DGKB: variants seen among roughly 807,000 people sequenced by gnomAD.
The protein encoded by DGKB is diacylglycerol kinase beta.
In DGKB, 67 loss-of-function variants were observed where a neutral mutation model predicts 114.3. The observed-to-expected ratio is 0.59, with a 90% CI of 0.48 to 0.72. DGKB has a LOEUF of 0.72. Ranked by LOEUF, DGKB falls within the 30% of genes least tolerant of loss-of-function variation. The pLI is 0.00. For missense variants in DGKB, 907 were observed against 975.2 expected (o/e 0.93, Z 0.93); for synonymous variants, 398 against 323.1 (o/e 1.23, Z -2.49).
At chr7:14,483,038 G>T in intron 20 of DGKB, among the ~76,000 whole-genome samples, 1 of 151,304 alleles carries the variant, frequency 6.6e-6, no homozygotes, top group African/African-American at 2.4e-5. Flanking sequence ...TTAACGTTTT[G>T]GTTTTCTTAA....
At chr7:14,391,469 C>T (rs1054964918) in intron 21 of DGKB, among the ~76,000 whole-genome samples, 1 of 151,284 alleles carries the variant, frequency 6.6e-6, no homozygotes, top group African/African-American at 2.4e-5. Flanking sequence ...ATCGCTTGAG[C>T]CCAGGCAAGA....
chr7:14,612,217 T>A (rs920172995), intron 16 of DGKB, among the ~76,000 whole-genome samples: 1 of 150,856 alleles, frequency 6.6e-6, no homozygotes, highest in African/African-American at 2.4e-5. Context: ...CACGGTCACC[T>A]GGGCTGGAGT....
chr7:14,555,526 C>T (rs990271616), intron 20 of DGKB, among the ~76,000 whole-genome samples: 2 of 152,142 alleles, frequency 1.3e-5, no homozygotes, highest in African/African-American at 2.4e-5. Context: ...CAGACTTGAT[C>T]TCTTAATAAT....
intron 23 of DGKB, among the ~76,000 whole-genome samples, chr7:14,302,728 A>C (rs939019961): frequency 2.0e-5 from 3 of 152,108 alleles, no homozygotes; most frequent in African/African-American, 7.2e-5. Flanking sequence ...GTCATTCTAA[A>C]TTGACAACTG....
chr7:14,738,437 C>T (rs1832068508), intron 4 of DGKB, among the ~76,000 whole-genome samples: 1 of 152,198 alleles, frequency 6.6e-6, no homozygotes, highest in Non-Finnish European at 1.5e-5. Context: ...TTGAATCCAA[C>T]ACAAGCTGTG....
intron 6 of DGKB, among the ~76,000 whole-genome samples, chr7:14,709,323 CTGGAGAGGA>C (rs1474783118): frequency 6.9e-6 from 1 of 144,866 alleles, no homozygotes; most frequent in Non-Finnish European, 1.5e-5. Context: ...ACAACAGGTG[CTGGAGAGGA>C]TGTGGAGAAA....
At chr7:14,885,076 C>G (rs189515948) in intron 1 of DGKB, among the ~76,000 whole-genome samples, 1 of 151,972 alleles carries the variant, frequency 6.6e-6, no homozygotes, top group South Asian at 2.1e-4. Flanking sequence ...TTGGTTTAGA[C>G]GATTGCTGAC....
At chr7:14,220,167 T>G (rs1377226712) in intron 23 of DGKB, among the ~76,000 whole-genome samples, 2 of 151,630 alleles carry the variant, frequency 1.3e-5, no homozygotes, top group Middle Eastern at 3.2e-3. Flanking sequence ...GTAACACAAT[T>G]GTAGGTATCT....
intron 5 of DGKB, among the ~76,000 whole-genome samples, chr7:14,721,073 C>T (rs1829093053): frequency 1.3e-5 from 2 of 152,176 alleles, no homozygotes; most frequent in Middle Eastern, 3.4e-3. Flanking sequence ...AATGTTTCCC[C>T]CTGTGGTACT....
chr7:14,702,765 G>A (rs1825428361), intron 6 of DGKB, among the ~76,000 whole-genome samples: 1 of 151,960 alleles, frequency 6.6e-6, no homozygotes, highest in African/African-American at 2.4e-5. Context: ...TGACCCTGAT[G>A]GTCTATTTGT....
At chr7:14,741,777 T>A (rs944586793) in intron 4 of DGKB, among the ~76,000 whole-genome samples, 1 of 152,320 alleles carries the variant, frequency 6.6e-6, no homozygotes, top group East Asian at 1.9e-4. Context: ...GTTTCACCTG[T>A]AAGGTTACTG....
At chr7:14,755,079 T>C (rs1385713124) in intron 3 of DGKB, among the ~76,000 whole-genome samples, 2 of 152,204 alleles carry the variant, frequency 1.3e-5, no homozygotes, top group Non-Finnish European at 2.9e-5. Flanking sequence ...TGTAATTTTA[T>C]TAATTTGGGA....
intron 23 of DGKB, among the ~76,000 whole-genome samples, chr7:14,274,753 A>G (rs1451579742): frequency 1.3e-5 from 2 of 151,806 alleles, no homozygotes; most frequent in Non-Finnish European, 2.9e-5. Context: ...CTCAAATGGC[A>G]GAAAGAGGGA....
At position 14,762,596 on chromosome 7, in the gene DGKB, T is replaced by C. The variant is rs58157812; in HGVS notation, c.71-4865A>G. ...AGTACTACATGAAAAATGAAACACTTAGTTCCTCTCACATCTCTTTAGGCA... is the reference window on the plus strand; with the variant it reads ...AGTACTACATGAAAAATGAAACACTCAGTTCCTCTCACATCTCTTTAGGCA... On this transcript the variant is annotated intron_variant, in intron 2 of 25. Coordinates refer to ENST00000402815, the MANE Select transcript of DGKB (RefSeq NM_001350709.2). Among the ~76,000 whole-genome samples the C allele has an allele frequency of 6.7e-3, 1,023 of 152,210 alleles. 12 individuals carry two copies. Among genetic ancestry groups the C allele is most frequent in the African/African-American group, 0.023 (971 of 41,546 alleles).
Position 14,176,665 on chromosome 7 carries a change from A to G in DGKB, c.2304+174T>C, listed in dbSNP as rs560798406. The G allele has an allele frequency of 1.2e-5, 16 of 1,388,090 alleles. No individual in the cohort carries two copies. In the East Asian group the frequency reaches 3.3e-4, roughly 29 times the overall value. The allele number at this position is 1,388,090 out of a possible 1,614,324, so 86.0% of individuals were successfully genotyped here. On this transcript the variant is annotated intron_variant, in intron 25 of 25. Transcript: ENST00000402815. ...AGCTAAATCATTGCCAAGGGTATATAATGTCTACAACCTAAATGTAGTGGC... is the reference window on the plus strand; with the variant it reads ...AGCTAAATCATTGCCAAGGGTATATGATGTCTACAACCTAAATGTAGTGGC...
chr7:14,838,004 ATTT>A (rs1217764149), intron 2 of DGKB, among the ~76,000 whole-genome samples: 1 of 152,158 alleles, frequency 6.6e-6, no homozygotes, highest in Non-Finnish European at 1.5e-5. Flanking sequence ...CATAGAATCC[ATTT>A]TAATAATGCT....
chr7:14,344,874 G>C (rs1483588775), intron 22 of DGKB, among the ~76,000 whole-genome samples: 1 of 151,586 alleles, frequency 6.6e-6, no homozygotes, highest in Non-Finnish European at 1.5e-5. Context: ...GAATGGAAAA[G>C]TATACTTTTT....
chr7:14,539,172 A>C (rs563293663), intron 20 of DGKB, among the ~76,000 whole-genome samples: 2 of 152,120 alleles, frequency 1.3e-5, no homozygotes, highest in Non-Finnish European at 2.9e-5. Context: ...AACAAAACAA[A>C]GGGACACCAG....
intron 13 of DGKB, among the ~76,000 whole-genome samples, chr7:14,660,475 C>A (rs1214081854): frequency 6.6e-6 from 1 of 152,066 alleles, no homozygotes; most frequent in East Asian, 1.9e-4. Flanking sequence ...GGAATTTATC[C>A]ATTTCTTCTA....
Sources: gnomAD v4.1 joint callset for allele counts (sites outside exome capture counted in the v4.1 genomes callset) on GRCh38, gnomAD v4.1.1 for gene constraint, MANE v1.5 for transcripts, NCBI Gene and HGNC (gene_info 2026-07-23, HGNC 2026-07-21) for gene names.